GABRR3: variants seen among roughly 807,000 people sequenced by gnomAD.
GABRR3 encodes the protein gamma-aminobutyric acid receptor subunit rho-3.
In GABRR3, 29 loss-of-function variants were observed where a neutral mutation model predicts 43.2. That is an observed-to-expected ratio of 0.67 (90% confidence interval 0.50 to 0.92). GABRR3 has a LOEUF of 0.92. Ranked by LOEUF, GABRR3 falls within the 40% of genes least tolerant of loss-of-function variation. The pLI is 0.00. For synonymous variants in GABRR3, 206 were observed against 195.9 expected, an observed-to-expected ratio of 1.05 and a Z score of -0.43; for missense variants, 576 against 572.3, an observed-to-expected ratio of 1.01 and a Z score of -0.07.
chr3:98,004,759 G>C (rs11718461), intron 7 of GABRR3, among the ~76,000 whole-genome samples: 7,939 of 151,916 alleles, frequency 0.052, 264 homozygotes, highest in Non-Finnish European at 0.082. Flanking sequence ...CTTATAGCCA[G>C]AGTCAGATGT....
At chr3:98,030,368 T>A (rs112887956) in intron 2 of GABRR3, among the ~76,000 whole-genome samples, 1,921 of 152,304 alleles carry the variant, frequency 0.013, 30 homozygotes, top group African/African-American at 0.042. Flanking sequence ...AGATAATTCT[T>A]GTCCTTTAAT....
chr3:98,011,926 G>A (rs1706797347), intron 5 of GABRR3, among the ~76,000 whole-genome samples: 1 of 152,200 alleles, frequency 6.6e-6, no homozygotes. Context: ...GTGTTAGCTT[G>A]AATGATAGCC....
intron 4 of GABRR3, among the ~76,000 whole-genome samples, chr3:98,015,715 G>A (rs531483676): frequency 6.6e-6 from 1 of 152,234 alleles, no homozygotes; most frequent in East Asian, 1.9e-4. Flanking sequence ...TAGCAATTGA[G>A]GACAAAGAAA....
At chr3:98,022,764 C>T (rs1190058651) in intron 3 of GABRR3, among the ~76,000 whole-genome samples, 1 of 152,170 alleles carries the variant, frequency 6.6e-6, no homozygotes, top group Non-Finnish European at 1.5e-5. Flanking sequence ...ATTTCTTAAT[C>T]ATGGGATGAT....
intron 9 of GABRR3, among the ~76,000 whole-genome samples, chr3:97,992,461 CAT>C (rs1294103617): frequency 6.6e-6 from 1 of 152,150 alleles, no homozygotes; most frequent in Admixed American, 6.5e-5. Flanking sequence ...AGTTCACTGA[CAT>C]AATATGTTAC....
At chr3:98,031,313 G>C (rs1195929438) in intron 2 of GABRR3, among the ~76,000 whole-genome samples, 1 of 152,154 alleles carries the variant, frequency 6.6e-6, no homozygotes, top group Admixed American at 6.6e-5. Context: ...GACCAGATTA[G>C]CAGCTAGTCT....
At chr3:97,986,959 A>T (rs754290964) in exon 10 of GABRR3, 1 of 1,604,952 alleles carries the variant, frequency 6.2e-7, no homozygotes, top group East Asian at 2.2e-5. Flanking sequence ...CTTGAACTGC[A>T]TCAATATTGT....
intron 6 of GABRR3, 72 bp downstream of exon 6, chr3:98,008,883 GC>G (rs1706755216): frequency 6.7e-6 from 5 of 741,224 alleles, no homozygotes; most frequent in Non-Finnish European, 1.1e-5. Context: ...TTAAGAGCAT[GC>G]TTATTTACAT....
intron 5 of GABRR3, 40 bp downstream of exon 5, chr3:98,012,304 C>T: frequency 6.8e-7 from 1 of 1,464,906 alleles, no homozygotes; most frequent in Non-Finnish European, 9.5e-7. Context: ...CAGATGGCTG[C>T]AGTACAGGGA....
At position 98,025,687 on chromosome 3, in the gene GABRR3, C is replaced by T. The variant is rs187869565; in HGVS notation, c.126-8G>A. Reference sequence around the variant, plus strand: ...ATTCTAGTTTCTTGTTTGCTGTTCCCCCAAAGGGAAAAAAAAAACTTCTGA... The same window carrying T: ...ATTCTAGTTTCTTGTTTGCTGTTCCTCCAAAGGGAAAAAAAAAACTTCTGA... On this transcript the variant is annotated splice_region_variant and splice_polypyrimidine_tract_variant and intron_variant, in intron 2 of 9. Transcript: ENST00000621172. The T allele has an allele frequency of 1.3e-6, 2 of 1,583,222 alleles. No individual in the cohort carries two copies. The highest frequency in any genetic ancestry group is 2.2e-5 in the East Asian group (1 of 44,660).
chr3:98,031,796 C>T (rs1707089759), intron 2 of GABRR3, among the ~76,000 whole-genome samples: 1 of 151,966 alleles, frequency 6.6e-6, no homozygotes, highest in Non-Finnish European at 1.5e-5. Context: ...GAAGGCTGAA[C>T]CTGACCAGCC....
intron 7 of GABRR3, among the ~76,000 whole-genome samples, chr3:98,007,535 A>G (rs1396779014): frequency 6.6e-6 from 1 of 152,210 alleles, no homozygotes; most frequent in Admixed American, 6.5e-5. Flanking sequence ...CTGTATTGAG[A>G]CTGGAGAAGT....
intron 5 of GABRR3, among the ~76,000 whole-genome samples, chr3:98,009,488 G>A (rs1706761606): frequency 1.3e-5 from 2 of 152,160 alleles, no homozygotes; most frequent in Admixed American, 1.3e-4. Flanking sequence ...GTTTACCCGA[G>A]GATATTCTCT....
chr3:97,992,294 A>T (rs990940830), intron 9 of GABRR3, among the ~76,000 whole-genome samples: 3 of 152,144 alleles, frequency 2.0e-5, no homozygotes, highest in African/African-American at 7.2e-5. Flanking sequence ...CATATCATTT[A>T]TTGGTTGAGA....
At chr3:98,024,581 G>C (rs1222609897) in intron 3 of GABRR3, among the ~76,000 whole-genome samples, 2 of 152,042 alleles carry the variant, frequency 1.3e-5, no homozygotes, top group East Asian at 3.9e-4. Context: ...AGTATCCCCC[G>C]CCCTGAACAC....
intron 9 of GABRR3, among the ~76,000 whole-genome samples, chr3:97,988,548 T>C (rs1706416265): frequency 6.6e-6 from 1 of 151,826 alleles, no homozygotes; most frequent in African/African-American, 2.4e-5. Context: ...TGGTGGATAG[T>C]AATAATGTGA....
At chr3:98,027,300 A>G (rs1383407602) in intron 2 of GABRR3, among the ~76,000 whole-genome samples, 1 of 152,220 alleles carries the variant, frequency 6.6e-6, no homozygotes, top group African/African-American at 2.4e-5. Context: ...GACAATTTGC[A>G]TGTATAACAA....
chr3:97,995,733 T>G (rs912259021), intron 8 of GABRR3, among the ~76,000 whole-genome samples: 2 of 152,114 alleles, frequency 1.3e-5, no homozygotes, highest in African/African-American at 4.8e-5. Context: ...TTACATTAAA[T>G]ACACTTATTA....
chr3:98,001,838 C>T, intron 7 of GABRR3, 71 bp from the exon 8 acceptor site: 1 of 1,549,508 alleles, frequency 6.5e-7, no homozygotes, highest in Non-Finnish European at 8.9e-7. Flanking sequence ...GTGAAATGAC[C>T]TGCTTCTTTA....
Sources: allele counts gnomAD v4.1 joint callset (sites outside exome capture counted in the v4.1 genomes callset), GRCh38; gene constraint gnomAD v4.1.1; transcripts MANE v1.5; gene names NCBI Gene and HGNC (gene_info 2026-07-23, HGNC 2026-07-21).